Variants in CFAP54 observed in about 807,000 individuals in gnomAD.
The protein encoded by CFAP54 is cilia- and flagella-associated protein 54.
Under a neutral mutation model 370.4 loss-of-function variants are expected in CFAP54, and 290 were observed. The observed-to-expected ratio is 0.78, with a 90% CI of 0.71 to 0.86. CFAP54 has a LOEUF of 0.86. CFAP54 is among the 40% of genes least tolerant of loss of function. The pLI is 0.00. For synonymous variants in CFAP54, 1,206 were observed against 1,236.5 expected, an observed-to-expected ratio of 0.98 and a Z score of 0.52; for missense variants, 3,399 against 3,528.7, an observed-to-expected ratio of 0.96 and a Z score of 0.93.
In CFAP54 at chr12:96,573,781, T is replaced by A. The variant is rs573840284; in HGVS notation, c.2620-2804T>A. Among the ~76,000 whole-genome samples the A allele has an allele frequency of 2.6e-5, 4 of 152,310 alleles. No homozygotes were observed. In the East Asian group the frequency reaches 7.7e-4, roughly 29 times the overall value. On this transcript the variant is annotated intron_variant, in intron 19 of 67. Coordinates refer to ENST00000524981, the MANE Select transcript of CFAP54 (RefSeq NM_001306084.2). ...TGATACCTCATATGTGTATATAAAT[T>A]AGCTTTTAGGTCTAAATACGGAAGG...
chr12:96,821,715 A>T (rs887423475), intron 65 of CFAP54, among the ~76,000 whole-genome samples: 2 of 151,810 alleles, frequency 1.3e-5, no homozygotes, highest in African/African-American at 4.8e-5. Flanking sequence ...AAAAAAAAAA[A>T]AAAAAAGCTC....
chr12:96,682,869 C>T (rs1199373728), intron 40 of CFAP54, among the ~76,000 whole-genome samples: 1 of 152,190 alleles, frequency 6.6e-6, no homozygotes, highest in Admixed American at 6.5e-5. Context: ...AGATTCTAGG[C>T]CACCCTTCTC....
intron 40 of CFAP54, chr12:96,682,440 T>A: frequency 1.1e-5 from 4 of 363,402 alleles, no homozygotes; most frequent in Non-Finnish European, 1.5e-5. Context: ...CCATCACAGC[T>A]CACTGTGTGA....
chr12:96,693,604 C>G, intron 44 of CFAP54, 118 bp from the exon 45 acceptor site: 1 of 603,336 alleles, frequency 1.7e-6, no homozygotes, highest in East Asian at 3.0e-5. Context: ...AGTTTCCTAG[C>G]ATGGAAAGCA....
At chr12:96,591,773 C>A (rs1485769868) in intron 23 of CFAP54, among the ~76,000 whole-genome samples, 1 of 143,434 alleles carries the variant, frequency 7.0e-6, no homozygotes, top group Non-Finnish European at 1.6e-5. Flanking sequence ...TGCCTGTAGT[C>A]CCAGCTACAC....
At chr12:96,586,270 C>CAT (rs1956075403) in intron 22 of CFAP54, among the ~76,000 whole-genome samples, 1 of 152,020 alleles carries the variant, frequency 6.6e-6, no homozygotes, top group Non-Finnish European at 1.5e-5. Context: ...GATGCTGAGG[C>CAT]CCAGGGACCA....
At chr12:96,854,334 AAAC>A (rs568220306) in intron 66 of CFAP54, among the ~76,000 whole-genome samples, 5 of 152,136 alleles carry the variant, frequency 3.3e-5, no homozygotes, top group African/African-American at 7.2e-5. Flanking sequence ...CGAAATAGCA[AAAC>A]AACAACAACA....
At chr12:96,755,839 T>C (rs1401474233) in intron 56 of CFAP54, among the ~76,000 whole-genome samples, 2 of 151,958 alleles carry the variant, frequency 1.3e-5, no homozygotes, top group Non-Finnish European at 2.9e-5. Flanking sequence ...GGCTAATTTT[T>C]GTATTTTTAG....
chr12:96,692,527 G>A (rs111925790), intron 44 of CFAP54, among the ~76,000 whole-genome samples: 213 of 152,222 alleles, frequency 1.4e-3, no homozygotes, highest in African/African-American at 4.8e-3. Context: ...AAAGGTAATC[G>A]CCAACTTTTA....
chr12:96,495,575 C>T lies in CFAP54; in HGVS notation c.318-5259C>T, dbSNP rs145935004. On this transcript the variant is annotated intron_variant, in intron 1 of 67. Coordinates refer to ENST00000524981, the MANE Select transcript of CFAP54 (RefSeq NM_001306084.2). ...ACCTCAAGCGATCTGCCCACTCTGG[C>T]CTCCCAAAGTGCTGGGATTACAGGC... Among the ~76,000 whole-genome samples, 260 of 151,852 alleles carry T rather than the reference C, an allele frequency of 1.7e-3. 4 individuals are homozygous for T. The East Asian group carries it at 0.044, about 25-fold the overall frequency.
intron 63 of CFAP54, among the ~76,000 whole-genome samples, chr12:96,796,255 G>A (rs1247791045): frequency 6.6e-6 from 1 of 152,176 alleles, no homozygotes; most frequent in Non-Finnish European, 1.5e-5. Context: ...CTGTCCATTC[G>A]AGTGGGAACT....
intron 50 of CFAP54, among the ~76,000 whole-genome samples, chr12:96,728,283 G>T (rs1957868221): frequency 6.6e-6 from 1 of 152,014 alleles, no homozygotes. Flanking sequence ...TTCCAACTTG[G>T]TTCCATTCTC....
intron 36 of CFAP54, among the ~76,000 whole-genome samples, chr12:96,654,431 G>T (rs1956897032): frequency 2.0e-5 from 3 of 151,336 alleles, no homozygotes; most frequent in African/African-American, 7.3e-5. Flanking sequence ...AACCCGGGAG[G>T]CGGAGCTTGC....
chr12:96,656,371 A>ATCAGC (rs1347437524), intron 36 of CFAP54, among the ~76,000 whole-genome samples: 2 of 150,770 alleles, frequency 1.3e-5, no homozygotes, highest in Non-Finnish European at 3.0e-5. Flanking sequence ...GAGATAAAAT[A>ATCAGC]TCAGCTTTGT....
intron 50 of CFAP54, among the ~76,000 whole-genome samples, chr12:96,734,821 T>C (rs561415372): frequency 6.6e-6 from 1 of 152,306 alleles, no homozygotes; most frequent in South Asian, 2.1e-4. Flanking sequence ...TGTGAAATAT[T>C]TTAATTTTTA....
chr12:96,532,527 T>C lies in CFAP54; in HGVS notation c.1358-1265T>C, dbSNP rs140380189. Among the ~76,000 whole-genome samples the C allele has an allele frequency of 2.8e-4, 42 of 152,358 alleles. No individual in the cohort carries two copies. In the East Asian group the frequency reaches 8.1e-3, roughly 29 times the overall value. ...AATTTACCCTCATGCATATTGATCCTTTCCCACTATCTCTCATTTAAATGG... is the reference window on the plus strand; with the variant it reads ...AATTTACCCTCATGCATATTGATCCCTTCCCACTATCTCTCATTTAAATGG... On this transcript the variant is annotated intron_variant, in intron 9 of 67. Transcript: ENST00000524981.
intron 15 of CFAP54, among the ~76,000 whole-genome samples, chr12:96,551,773 G>T (rs879491349): frequency 6.6e-6 from 1 of 151,910 alleles, no homozygotes; most frequent in Admixed American, 6.6e-5. Context: ...ATCTAATAAG[G>T]GTGGCATCCA....
chr12:96,825,301 T>A (rs1162187538), intron 65 of CFAP54, among the ~76,000 whole-genome samples: 1 of 126,134 alleles, frequency 7.9e-6, no homozygotes, highest in South Asian at 2.2e-4. Flanking sequence ...TATAATATAT[T>A]ATATATATAA....
chr12:96,508,208 C>G (rs1955127936), intron 4 of CFAP54, among the ~76,000 whole-genome samples: 1 of 146,820 alleles, frequency 6.8e-6, no homozygotes, highest in Non-Finnish European at 1.5e-5. Flanking sequence ...ATCACTGCAG[C>G]CTTGAGCCTT....
Sources: allele counts gnomAD v4.1 joint callset (sites outside exome capture counted in the v4.1 genomes callset), GRCh38; gene constraint gnomAD v4.1.1; transcripts MANE v1.5; gene names NCBI Gene and HGNC (gene_info 2026-07-23, HGNC 2026-07-21).